MTUS2: variants seen among roughly 807,000 people sequenced by gnomAD.
MTUS2 encodes microtubule-associated tumor suppressor candidate 2.
A neutral mutation model predicts 114.1 loss-of-function variants in MTUS2; 40 were observed. That is an observed-to-expected ratio of 0.35 (90% CI 0.27 to 0.46). The LOEUF (loss-of-function observed/expected upper bound fraction) is 0.46. MTUS2 is among the 20% of genes least tolerant of loss of function. MTUS2 has a pLI of 1.00. For synonymous variants in MTUS2, 688 were observed against 672.0 expected, an observed-to-expected ratio of 1.02 and a Z score of -0.37; for missense variants, 1,679 against 1,705.4, an observed-to-expected ratio of 0.98 and a Z score of 0.27.
intron 2 of MTUS2, among the ~76,000 whole-genome samples, chr13:28,847,715 G>A (rs1417764): frequency 0.7 from 106,696 of 151,970 alleles, 38,675 homozygotes; most frequent in Non-Finnish European, 0.79. Context: ...AGCACCTCCC[G>A]GGCCCATCTC....
intron 2 of MTUS2, among the ~76,000 whole-genome samples, chr13:28,996,163 T>C (rs973847717): frequency 2.0e-5 from 3 of 152,254 alleles, no homozygotes; most frequent in Non-Finnish European, 4.4e-5. Flanking sequence ...AATCATGTGG[T>C]TTTTGTCTTT....
At chr13:29,333,071 C>T (rs369835266) in intron 7 of MTUS2, among the ~76,000 whole-genome samples, 54 of 152,260 alleles carry the variant, frequency 3.5e-4, no homozygotes, top group African/African-American at 1.3e-3. Context: ...TACGTTGTGT[C>T]TTTGTTCTCA....
chr13:28,827,087 C>T (rs1874319555), intron 1 of MTUS2, among the ~76,000 whole-genome samples: 1 of 152,186 alleles, frequency 6.6e-6, no homozygotes, highest in Non-Finnish European at 1.5e-5. Context: ...AAGCCAAACA[C>T]ATTTTTTTGC....
At position 29,170,561 on chromosome 13, in the gene MTUS2, A is replaced by T. The variant is rs1022796706; in HGVS notation, c.2644+69591A>T. On this transcript the variant is annotated intron_variant, in intron 5 of 15. Transcript: ENST00000612955. ...TGATTTATATAAAAATGCTGAGTGA[A>T]CTGTAAAACTGAATACAGATGTTAG... Among the ~76,000 whole-genome samples, 5 of 152,244 alleles carry T rather than the reference A, an allele frequency of 3.3e-5. No individual in the cohort carries two copies. The South Asian group carries it at 1.0e-3, about 32-fold the overall frequency.
At chr13:29,236,238 C>A (rs1896530714) in intron 5 of MTUS2, among the ~76,000 whole-genome samples, 1 of 152,132 alleles carries the variant, frequency 6.6e-6, no homozygotes, top group Non-Finnish European at 1.5e-5. Flanking sequence ...TTCTGTTGAG[C>A]ACTTACTTCA....
intron 1 of MTUS2, among the ~76,000 whole-genome samples, chr13:28,829,342 A>G (rs1256975172): frequency 1.3e-5 from 2 of 152,092 alleles, no homozygotes; most frequent in Non-Finnish European, 1.5e-5. Context: ...CCTGGCCAAC[A>G]AGGTGAAATG....
chr13:29,272,822 A>G (rs995302677), intron 5 of MTUS2, among the ~76,000 whole-genome samples: 1 of 152,176 alleles, frequency 6.6e-6, no homozygotes, highest in Non-Finnish European at 1.5e-5. Context: ...ACAAAATACC[A>G]TAGACTGGGT....
At chr13:29,100,006 GT>G (rs1343482872) in intron 4 of MTUS2, among the ~76,000 whole-genome samples, 1 of 152,188 alleles carries the variant, frequency 6.6e-6, no homozygotes, top group African/African-American at 2.4e-5. Flanking sequence ...TAATTCTGAA[GT>G]TTGGACTAAC....
intron 9 of MTUS2, among the ~76,000 whole-genome samples, chr13:29,451,751 A>T (rs1323344200): frequency 1.3e-5 from 2 of 151,522 alleles, no homozygotes; most frequent in Non-Finnish European, 2.9e-5. Flanking sequence ...TACCCAGCTA[A>T]TTTTTTTTGT....
intron 5 of MTUS2, among the ~76,000 whole-genome samples, chr13:29,271,210 G>A (rs1470810545): frequency 6.6e-6 from 1 of 152,022 alleles, no homozygotes; most frequent in Non-Finnish European, 1.5e-5. Context: ...ATCCACCATT[G>A]GCAACTTCTT....
At chr13:29,056,584 A>G (rs1888143426) in intron 4 of MTUS2, among the ~76,000 whole-genome samples, 1 of 152,060 alleles carries the variant, frequency 6.6e-6, no homozygotes, top group South Asian at 2.1e-4. Context: ...GTGTGTTTCT[A>G]GGAATTTATC....
chr13:28,868,531 G>A (rs1179347521), intron 2 of MTUS2, among the ~76,000 whole-genome samples: 1 of 152,114 alleles, frequency 6.6e-6, no homozygotes, highest in Admixed American at 6.5e-5. Context: ...GGAGAATTCA[G>A]GCCTTACAAA....
At chr13:29,010,178 TCC>T (rs1885774763) in intron 2 of MTUS2, among the ~76,000 whole-genome samples, 1 of 141,470 alleles carries the variant, frequency 7.1e-6, no homozygotes, top group Non-Finnish European at 1.5e-5. Flanking sequence ...ACCACTGCAC[TCC>T]AGCCTGGGCG....
intron 9 of MTUS2, among the ~76,000 whole-genome samples, chr13:29,462,486 TGA>T (rs948393194): frequency 4.0e-5 from 6 of 151,114 alleles, no homozygotes; most frequent in Admixed American, 2.6e-4. Context: ...GTTATATGGG[TGA>T]GAGATAGTGG....
chr13:29,419,521 CA>C (rs1875925513), intron 8 of MTUS2, among the ~76,000 whole-genome samples: 1 of 152,218 alleles, frequency 6.6e-6, no homozygotes, highest in African/African-American at 2.4e-5. Flanking sequence ...AGAGAACACT[CA>C]GCAGAATCCA....
chr13:29,015,780 G>A (rs752712908), intron 2 of MTUS2, among the ~76,000 whole-genome samples: 27 of 152,056 alleles, frequency 1.8e-4, no homozygotes, highest in Admixed American at 2.6e-4. Context: ...TATTTATATG[G>A]GAGGAAGAAC....
intron 11 of MTUS2, 27 bp downstream of exon 11, chr13:29,488,032 G>A (rs765458517): frequency 6.4e-7 from 1 of 1,565,164 alleles, no homozygotes; most frequent in Non-Finnish European, 8.8e-7. Flanking sequence ...TGTGCAGCAG[G>A]CAGGGGTGGG....
At chr13:29,011,291 T>C (rs1461915009) in intron 2 of MTUS2, among the ~76,000 whole-genome samples, 2 of 152,176 alleles carry the variant, frequency 1.3e-5, no homozygotes, top group African/African-American at 4.8e-5. Context: ...CTTTGAGAAA[T>C]TGTCTATTCT....
At chr13:29,268,252 G>A (rs1897742296) in intron 5 of MTUS2, among the ~76,000 whole-genome samples, 1 of 152,156 alleles carries the variant, frequency 6.6e-6, no homozygotes, top group Non-Finnish European at 1.5e-5. Flanking sequence ...GAAAGTTTTT[G>A]TGAAATAGAA....
Sources: gnomAD v4.1 joint callset for allele counts (sites outside exome capture counted in the v4.1 genomes callset) on GRCh38, gnomAD v4.1.1 for gene constraint, MANE v1.5 for transcripts, NCBI Gene and HGNC (gene_info 2026-07-23, HGNC 2026-07-21) for gene names.